Variants in HEATR4 observed in about 807,000 individuals in gnomAD.
HEATR4 encodes HEAT repeat-containing protein 4.
Under a neutral mutation model 108.8 loss-of-function variants are expected in HEATR4, and 95 were observed. The ratio of observed to expected loss-of-function variants is 0.87; its 90% CI spans 0.74 to 1.04. The LOEUF (loss-of-function observed/expected upper bound fraction) is 1.04. Among genes scored for constraint, HEATR4 ranks in the 50% least tolerant of loss-of-function variants. The pLI, the probability that HEATR4 is intolerant of heterozygous loss-of-function variation, is 0.00. For missense variants in HEATR4, 1,152 were observed against 1,253.8 expected (o/e 0.92, Z 1.23); for synonymous variants, 443 against 459.4 (o/e 0.96, Z 0.46).
intron 17 of HEATR4, chr14:73,491,738 C>G: frequency 6.4e-7 from 1 of 1,554,598 alleles, no homozygotes; most frequent in Non-Finnish European, 8.7e-7. Context: ...CTACCAGGGA[C>G]TTTTCTCTAC....
chr14:73,606,379 C>CAA, the HEATR4 span, among the ~76,000 whole-genome samples: 4 of 87,034 alleles, frequency 4.6e-5, no homozygotes, highest in African/African-American at 2.0e-4. Flanking sequence ...ACAAACAAAA[C>CAA]AAAACAAAAA....
chr14:73,485,190 A>G (rs1311267303), intron 17 of HEATR4, among the ~76,000 whole-genome samples: 1 of 152,020 alleles, frequency 6.6e-6, no homozygotes, highest in South Asian at 2.1e-4. Context: ...TAAAGAAAAG[A>G]AAAGAAAATT....
the HEATR4 span, among the ~76,000 whole-genome samples, chr14:73,621,748 CCTTT>C: frequency 3.0e-4 from 45 of 148,200 alleles, no homozygotes; most frequent in Admixed American, 6.1e-4. Flanking sequence ...GTATAATTTT[CCTTT>C]CTTTCTTTCT....
chr14:73,490,906 G>T, intron 17 of HEATR4: 2 of 1,171,798 alleles, frequency 1.7e-6, no homozygotes, highest in Non-Finnish European at 2.2e-6. Flanking sequence ...CCAACCCCGA[G>T]GTGGCTGGAG....
the HEATR4 span, among the ~76,000 whole-genome samples, chr14:73,576,282 TA>T: frequency 1.3e-5 from 2 of 152,074 alleles, no homozygotes; most frequent in African/African-American, 4.8e-5. Flanking sequence ...ACATCTTGCC[TA>T]TAAACTGATT....
the HEATR4 span, among the ~76,000 whole-genome samples, chr14:73,578,076 C>G: frequency 2.0e-5 from 3 of 151,644 alleles, no homozygotes; most frequent in Non-Finnish European, 4.4e-5. Context: ...GTCTCGAACT[C>G]CTGACCTCAG....
the HEATR4 span, among the ~76,000 whole-genome samples, chr14:73,588,909 T>C: frequency 1.3e-5 from 2 of 152,176 alleles, no homozygotes; most frequent in Non-Finnish European, 1.5e-5. Context: ...GTTTACTTTT[T>C]TTTTTACGTT....
chr14:73,611,547 T>A, the HEATR4 span: 418 of 152,324 alleles, frequency 2.7e-3, 2 homozygotes, highest in African/African-American at 9.7e-3. Flanking sequence ...CTGCCAGAAC[T>A]CTGTATGCAT....
At chr14:73,619,900 T>G in the HEATR4 span, 1 of 1,486,616 alleles carries the variant, frequency 6.7e-7, no homozygotes, top group Non-Finnish European at 8.9e-7. Context: ...TTGTGTTGGG[T>G]TTTCTTTCTT....
chr14:73,589,073 C>A, the HEATR4 span, among the ~76,000 whole-genome samples: 1 of 152,126 alleles, frequency 6.6e-6, no homozygotes, highest in Non-Finnish European at 1.5e-5. Context: ...AATTGATTAA[C>A]CTTCACTGAC....
At chr14:73,524,998 G>A (rs957176026) in intron 2 of HEATR4, among the ~76,000 whole-genome samples, 1 of 152,040 alleles carries the variant, frequency 6.6e-6, no homozygotes, top group Non-Finnish European at 1.5e-5. Flanking sequence ...TTTCTGTTAA[G>A]GGCAAGTTCT....
the HEATR4 span, chr14:73,569,227 G>C: frequency 1.2e-5 from 20 of 1,612,216 alleles, 1 homozygote; most frequent in Non-Finnish European, 1.4e-5. Context: ...AGCCTGCGAC[G>C]GCAGCCCGAG....
the HEATR4 span, among the ~76,000 whole-genome samples, chr14:73,628,293 CAT>C: frequency 0.029 from 4,458 of 152,248 alleles, 124 homozygotes; most frequent in Middle Eastern, 0.068. Context: ...CACAATATCA[CAT>C]AGTCATTTTT....
intron 1 of HEATR4, chr14:73,537,969 C>G (rs1443611079): frequency 9.9e-7 from 1 of 1,005,778 alleles, no homozygotes; most frequent in Admixed American, 4.9e-5. Flanking sequence ...CGCCCCGCCC[C>G]GCTCTTTTCG....
Position 73,495,398 on chromosome 14 carries a change from AC to A in HEATR4, c.2626-12del. 6.2e-7 allele frequency: 1 copy of A among 1,607,104 alleles called. No individual in the cohort carries two copies. Among genetic ancestry groups the A allele is most frequent in the Non-Finnish European group, 8.5e-7 (1 of 1,176,250 alleles). On this transcript the variant is annotated splice_polypyrimidine_tract_variant and intron_variant, in intron 15 of 17. Coordinates refer to ENST00000553558, the MANE Select transcript of HEATR4 (RefSeq NM_001220484.1). ...GCTTAGTGTTTTAATCTAAATTAGA[AC>A]AAATAATGTTTGAAAAACAAAACAA...
At chr14:73,485,693 C>G (rs1186461490) in intron 17 of HEATR4, among the ~76,000 whole-genome samples, 1 of 152,014 alleles carries the variant, frequency 6.6e-6, no homozygotes, top group African/African-American at 2.4e-5. Flanking sequence ...GCCAACATGG[C>G]AAAACTCCAT....
At chr14:73,617,925 A>C in the HEATR4 span, among the ~76,000 whole-genome samples, 1 of 151,930 alleles carries the variant, frequency 6.6e-6, no homozygotes, top group Non-Finnish European at 1.5e-5. Flanking sequence ...CGGGCAGATC[A>C]CCTGAGGTCA....
At chr14:73,584,040 C>G in the HEATR4 span, among the ~76,000 whole-genome samples, 1 of 151,792 alleles carries the variant, frequency 6.6e-6, no homozygotes, top group Non-Finnish European at 1.5e-5. Context: ...ATGACCTTTC[C>G]AGGACACTCC....
At chr14:73,586,939 A>G in the HEATR4 span, among the ~76,000 whole-genome samples, 115 of 152,164 alleles carry the variant, frequency 7.6e-4, no homozygotes, top group African/African-American at 2.6e-3. Context: ...TTCTGGTCTC[A>G]AGCAGTCTTC....
Sources: gnomAD v4.1 joint callset for allele counts (sites outside exome capture counted in the v4.1 genomes callset) on GRCh38, gnomAD v4.1.1 for gene constraint, MANE v1.5 for transcripts, NCBI Gene and HGNC (gene_info 2026-07-23, HGNC 2026-07-21) for gene names.